SLC39A8: variants seen among roughly 807,000 people sequenced by gnomAD.
The protein encoded by SLC39A8 is solute carrier family 39 member 8, also known as metal cation symporter ZIP8.
A neutral mutation model predicts 40.4 loss-of-function variants in SLC39A8; 15 were observed. The ratio of observed to expected loss-of-function variants is 0.37; its 90% CI spans 0.25 to 0.57. The LOEUF is 0.57. Among genes scored for constraint, SLC39A8 ranks in the 20% least tolerant of loss-of-function variants. SLC39A8 has a pLI of 0.75. For synonymous variants in SLC39A8, 223 were observed against 221.6 expected, an observed-to-expected ratio of 1.01 and a Z score of -0.06; for missense variants, 472 against 558.8, an observed-to-expected ratio of 0.84 and a Z score of 1.57.
chr4:102,335,505 A>G (rs1332320648), intron 2 of SLC39A8, among the ~76,000 whole-genome samples: 1 of 152,178 alleles, frequency 6.6e-6, no homozygotes, highest in East Asian at 1.9e-4. Context: ...GTCCATACAG[A>G]TTTAGAAGTA....
Position 102,315,768 on chromosome 4 carries a change from G to C in SLC39A8, c.282C>G (p.Ser94Arg). ...HGFSNATQIT[S>R]SKFSVICPAV... ...CTGGACAGATGACAGAGAATTTGGA[G>C]CTGGTTATTTGGGTAGCATTTGAAA... The change falls in exon 3 of 9, where the codon AGC becomes AGG. Residue 94 changes from serine to arginine, a missense_variant. Coordinates refer to ENST00000356736, the MANE Select transcript of SLC39A8 (RefSeq NM_001135146.2). 1 of 1,613,302 alleles carries C rather than the reference G, an allele frequency of 6.2e-7. No individual in the cohort carries two copies. The highest frequency in any genetic ancestry group is 8.5e-7 in the Non-Finnish European group (1 of 1,179,514).
intron 6 of SLC39A8, among the ~76,000 whole-genome samples, chr4:102,268,343 T>C (rs865889095): frequency 2.0e-5 from 3 of 152,266 alleles, no homozygotes; most frequent in Non-Finnish European, 4.4e-5. Flanking sequence ...TTTTGACTTG[T>C]ATAAACTTCT....
intron 2 of SLC39A8, among the ~76,000 whole-genome samples, chr4:102,321,512 G>T (rs991801450): frequency 6.6e-6 from 1 of 152,230 alleles, no homozygotes; most frequent in Admixed American, 6.5e-5. Flanking sequence ...TAGCTTTGCT[G>T]AGAGGTCGTT....
intron 3 of SLC39A8, 138 bp from the exon 4 acceptor site, chr4:102,307,743 G>GTATATAGAAAACTGAGAA: frequency 6.4e-6 from 5 of 783,692 alleles, no homozygotes; most frequent in Non-Finnish European, 1.0e-5. Flanking sequence ...TCTACTCAAT[G>GTATATAGAAAACTGAGAA]AAAAGTATAT....
intron 3 of SLC39A8, among the ~76,000 whole-genome samples, chr4:102,307,908 TGA>T (rs1328376227): frequency 1.3e-5 from 2 of 151,700 alleles, no homozygotes; most frequent in East Asian, 3.9e-4. Context: ...ACAAACAATC[TGA>T]GATCCACAGG....
intron 6 of SLC39A8, among the ~76,000 whole-genome samples, chr4:102,287,093 A>C (rs1050779433): frequency 6.6e-6 from 1 of 152,090 alleles, no homozygotes; most frequent in African/African-American, 2.4e-5. Flanking sequence ...GTAGGAATTT[A>C]ATATAATAAT....
At chr4:102,295,969 A>T (rs1733662297) in intron 6 of SLC39A8, among the ~76,000 whole-genome samples, 1 of 152,090 alleles carries the variant, frequency 6.6e-6, no homozygotes. Flanking sequence ...TCAAGGCTCT[A>T]ACAGAGAATC....
At chr4:102,330,926 CAT>C (rs1417865065) in intron 2 of SLC39A8, among the ~76,000 whole-genome samples, 5 of 152,328 alleles carry the variant, frequency 3.3e-5, no homozygotes, top group African/African-American at 7.2e-5. Context: ...ACAAAAACCA[CAT>C]GATTATCTCA....
intron 6 of SLC39A8, among the ~76,000 whole-genome samples, chr4:102,291,626 A>G (rs941469778): frequency 1.3e-5 from 2 of 151,530 alleles, no homozygotes; most frequent in African/African-American, 4.8e-5. Context: ...AAAATATACC[A>G]CCACTCCATT....
intron 6 of SLC39A8, among the ~76,000 whole-genome samples, chr4:102,301,761 C>A (rs927193218): frequency 6.6e-6 from 1 of 152,028 alleles, no homozygotes; most frequent in Non-Finnish European, 1.5e-5. Flanking sequence ...CTGCCCATAG[C>A]TAATCCTAAA....
intron 6 of SLC39A8, among the ~76,000 whole-genome samples, chr4:102,279,684 G>A (rs1347472729): frequency 6.6e-6 from 1 of 152,142 alleles, no homozygotes; most frequent in Non-Finnish European, 1.5e-5. Context: ...GAAGTGAGCT[G>A]CAGCTATAAT....
At chr4:102,292,789 T>C (rs959924373) in intron 6 of SLC39A8, among the ~76,000 whole-genome samples, 15 of 152,080 alleles carry the variant, frequency 9.9e-5, no homozygotes, top group South Asian at 4.1e-4. Flanking sequence ...TATGGTTGTA[T>C]GGTAGACACA....
chr4:102,292,505 A>G (rs1306854606), intron 6 of SLC39A8, among the ~76,000 whole-genome samples: 1 of 152,098 alleles, frequency 6.6e-6, no homozygotes, highest in Non-Finnish European at 1.5e-5. Context: ...ACATGAACTA[A>G]TCCATCTACT....
In SLC39A8 at chr4:102,262,548, C is replaced by T. The variant is rs367885666; in HGVS notation, c.*496G>A. On this transcript the variant is annotated 3_prime_UTR_variant, in exon 9 of 9. Transcript: ENST00000356736. ...TTTTTTTTCTTTGGCTCCTTAAAGA[C>T]TTGGAATAATTTATATTAGTGTTGC... is the stretch of plus-strand genomic sequence containing the variant. The T allele has an allele frequency of 1.0e-5, 10 of 985,124 alleles. No individual in the cohort carries two copies. The Admixed American group carries it at 3.1e-4, about 30-fold the overall frequency. 61.0% of individuals were successfully genotyped at this position (985,124 alleles called of 1,614,324 possible). A position where few individuals can be genotyped will look rare whatever the true frequency, so the allele number is the denominator to read the frequency against.
intron 4 of SLC39A8, among the ~76,000 whole-genome samples, chr4:102,306,995 A>G (rs1435166451): frequency 1.3e-5 from 2 of 152,112 alleles, no homozygotes; most frequent in African/African-American, 4.8e-5. Flanking sequence ...AGTCACTTAT[A>G]ACTGTAGTAA....
In SLC39A8 at chr4:102,276,517, G is replaced by C. The variant is rs1438088875; in HGVS notation, c.841-8438C>G. Among the ~76,000 whole-genome samples, 3 of 152,024 alleles carry C rather than the reference G, an allele frequency of 2.0e-5. No individual in the cohort carries two copies. The East Asian group carries it at 5.8e-4, about 29-fold the overall frequency. On this transcript the variant is annotated intron_variant, in intron 6 of 8. Transcript: ENST00000356736. ...TTAATAGTCTTAACAACCAAAAAAAGCCCAGGACTAGAGAGATTCACAGTC... is the reference window on the plus strand; with the variant it reads ...TTAATAGTCTTAACAACCAAAAAAACCCCAGGACTAGAGAGATTCACAGTC...
chr4:102,323,793 T>C (rs1325876878), intron 2 of SLC39A8, among the ~76,000 whole-genome samples: 2 of 152,244 alleles, frequency 1.3e-5, no homozygotes, highest in Admixed American at 6.5e-5. Flanking sequence ...TTTTGACTTG[T>C]AAGCCAGTAT....
rs562491081 is a variant in SLC39A8 at position 102,267,600 on chromosome 4, A to T, written c.1123T>A (p.Ser375Thr). 16 of 1,613,924 alleles carry T rather than the reference A, an allele frequency of 9.9e-6. No homozygotes were observed. The highest frequency in any genetic ancestry group is 1.6e-4 in the Middle Eastern group (1 of 6,084). The change falls in exon 8 of 9, where the codon TCC becomes ACC. Residue 375 changes from serine (S) to threonine (T), a missense_variant. Transcript: ENST00000356736. ...CCAAAAGCTAGCCCAACATAGCAGG[A>T]ACATGCAGAAAGGAAGTTGAATAGC... is the stretch of plus-strand genomic sequence containing the variant. Reference protein sequence around the residue: ...ALLFNFLSACSCYVGLAFGIL... With the variant: ...ALLFNFLSACTCYVGLAFGIL...
intron 2 of SLC39A8, among the ~76,000 whole-genome samples, chr4:102,323,827 A>G (rs1420828950): frequency 6.6e-6 from 1 of 152,236 alleles, no homozygotes; most frequent in Non-Finnish European, 1.5e-5. Context: ...TCTTGGTCCA[A>G]CACTGAGAAG....
Sources: allele counts gnomAD v4.1 joint callset (sites outside exome capture counted in the v4.1 genomes callset), GRCh38; gene constraint gnomAD v4.1.1; transcripts MANE v1.5; gene names NCBI Gene and HGNC (gene_info 2026-07-23, HGNC 2026-07-21).